Variants in VPS26C observed in about 807,000 individuals in gnomAD.
The protein encoded by VPS26C is vacuolar protein sorting-associated protein 26C.
Under a neutral mutation model 30.6 loss-of-function variants are expected in VPS26C, and 19 were observed. The ratio of observed to expected loss-of-function variants is 0.62; its 90% CI spans 0.43 to 0.91. The LOEUF (loss-of-function observed/expected upper bound fraction) is 0.91, where lower values mean the gene tolerates loss of function less well. VPS26C is among the 40% of genes least tolerant of loss of function. VPS26C has a pLI of 0.00. For missense variants in VPS26C, 318 were observed against 385.1 expected (o/e 0.83, Z 1.46); for synonymous variants, 132 against 151.5 (o/e 0.87, Z 0.95).
chr21:37,265,107 T>C (rs1424888769), intron 1 of VPS26C, among the ~76,000 whole-genome samples: 1 of 152,142 alleles, frequency 6.6e-6, no homozygotes, highest in Non-Finnish European at 1.5e-5. Flanking sequence ...CAAAGTCAAT[T>C]TGTGACTGCC....
intron 1 of VPS26C, among the ~76,000 whole-genome samples, chr21:37,259,575 G>A (rs1039390234): frequency 1.3e-5 from 2 of 152,110 alleles, no homozygotes; most frequent in South Asian, 4.1e-4. Flanking sequence ...TAACCAATAA[G>A]CTCCCCTACA....
chr21:37,239,120 C>G (rs937244943), intron 2 of VPS26C, among the ~76,000 whole-genome samples: 12 of 152,224 alleles, frequency 7.9e-5, no homozygotes, highest in African/African-American at 2.9e-4. Context: ...CTGCACAGAC[C>G]TCCTCAGCTG....
chr21:37,240,694 T>C, intron 1 of VPS26C, 55 bp from the exon 2 acceptor site: 4 of 1,583,284 alleles, frequency 2.5e-6, no homozygotes, highest in Non-Finnish European at 3.4e-6. Flanking sequence ...CCATTCTACC[T>C]TGTTTATTAG....
chr21:37,235,538 C>T (rs1304283200), intron 3 of VPS26C, among the ~76,000 whole-genome samples: 1 of 152,170 alleles, frequency 6.6e-6, no homozygotes, highest in East Asian at 1.9e-4. Flanking sequence ...TTTCAGCAGA[C>T]ATGTTTTATG....
rs552779844 is a variant in VPS26C at position 37,226,312 on chromosome 21, CTG to C, written c.812-688_812-687del. ...AGGGCACCCTGTGCTGAGCCCCACA[CTG>C]TGGCAGCTCAGCTGTGGAAGGGGCC... On this transcript the variant is annotated intron_variant, in intron 7 of 7. Coordinates refer to ENST00000309117, the MANE Select transcript of VPS26C (RefSeq NM_006052.2). This position sits in a 1 kb window ranked among gnomAD's most constrained non-coding sequence, Gnocchi z 4.1. 237 of 152,568 alleles carry C rather than the reference CTG, an allele frequency of 1.6e-3. 1 individual carries two copies. Among genetic ancestry groups the C allele is most frequent in the African/African-American group, 9.9e-4 (41 of 41,568 alleles). The allele number at this position is 152,568 out of a possible 1,614,324, so 9.5% of individuals were successfully genotyped here. A position where few individuals can be genotyped will look rare whatever the true frequency, so the allele number is the denominator to read the frequency against.
At chr21:37,253,195 T>C (rs957420007) in intron 1 of VPS26C, among the ~76,000 whole-genome samples, 12 of 152,242 alleles carry the variant, frequency 7.9e-5, no homozygotes, top group Non-Finnish European at 1.8e-4. Context: ...TTTACATGGC[T>C]TACATACATG....
Position 37,233,483 on chromosome 21 carries a change from G to T in VPS26C, c.352-41C>A. 1 of 1,440,544 alleles carries T rather than the reference G, an allele frequency of 6.9e-7. No individual in the cohort carries two copies. The highest frequency in any genetic ancestry group is 9.8e-7 in the Non-Finnish European group (1 of 1,022,788). The allele number at this position is 1,440,544 out of a possible 1,614,324, so 89.2% of individuals were successfully genotyped here. The stretch of plus-strand genomic sequence containing the variant: ...GGAGGAAAAAAGTTCATTTTAGTGG[G>T]ATTTGCTTTCATCTTGGAATTATAT... On this transcript the variant is annotated intron_variant, in intron 3 of 7. Transcript: ENST00000309117. The surrounding 1 kb of genome is among the most constrained non-coding windows in gnomAD (Gnocchi z 5.2).
At chr21:37,248,774 CAG>C (rs1342607790) in intron 1 of VPS26C, among the ~76,000 whole-genome samples, 2 of 148,986 alleles carry the variant, frequency 1.3e-5, no homozygotes, top group Non-Finnish European at 3.0e-5. Flanking sequence ...TCTACACACT[CAG>C]AGAGAGAGAC....
rs1039122837 is a variant in VPS26C at position 37,267,241 on chromosome 21, G to T, written c.54C>A (p.Ala18=). 3 of 248,588 alleles carry T rather than the reference G, an allele frequency of 1.2e-5. No homozygotes were observed. The highest frequency in any genetic ancestry group is 1.5e-5 in the Non-Finnish European group (2 of 137,414). 15.4% of individuals were successfully genotyped at this position (248,588 alleles called of 1,614,324 possible). Residue 18 remains alanine, a synonymous_variant, in exon 1 of 8, where the codon GCC becomes GCA. Transcript: ENST00000309117. Reference sequence around the variant, plus strand: ...CCCACCCCCAGCCCCCACTTACCCCGGCGTGATAAACTTTATTCGCTCTTT... The same window carrying T: ...CCCACCCCCAGCCCCCACTTACCCCTGCGTGATAAACTTTATTCGCTCTTT... ...KIKRANKVYH[A]GEVLSGVVVI... is the part of the protein sequence containing the mutation.
At chr21:37,267,210 T>TC in intron 1 of VPS26C, 28 bp downstream of exon 1, 5 of 352,476 alleles carry the variant, frequency 1.4e-5, no homozygotes, top group South Asian at 5.0e-5. Flanking sequence ...CAACCCCACC[T>TC]CCATCCCCAC....
At chr21:37,235,877 ATATT>A (rs1473695100) in intron 3 of VPS26C, among the ~76,000 whole-genome samples, 22 of 35,952 alleles carry the variant, frequency 6.1e-4, no homozygotes, top group African/African-American at 1.1e-3. Context: ...ATATATATAT[ATATT>A]TTTTTTTTTA....
At chr21:37,267,368 C>T, upstream of VPS26C, 1 of 1,356,610 alleles carries the variant, frequency 7.4e-7, no homozygotes, top group Non-Finnish European at 1.0e-6. Flanking sequence ...CTCCCCGCTT[C>T]GTTCTGGGCC....
rs747509148 is a variant in VPS26C at position 37,228,197 on chromosome 21, G to A, written c.658+26C>T. On this transcript the variant is annotated intron_variant, in intron 6 of 7. Coordinates refer to ENST00000309117, the MANE Select transcript of VPS26C (RefSeq NM_006052.2). Reference sequence around the variant, plus strand: ...TGGCAGTCGAGGGGGACAGGCAAGCGCCAGGCCTGGTGGCACGGCCCTCAC... The same window carrying A: ...TGGCAGTCGAGGGGGACAGGCAAGCACCAGGCCTGGTGGCACGGCCCTCAC... 16 of 1,604,550 alleles carry A rather than the reference G, an allele frequency of 1.0e-5. No individual in the cohort carries two copies. Among genetic ancestry groups the A allele is most frequent in the South Asian group, 5.5e-5 (5 of 90,822 alleles).
At chr21:37,234,988 GC>G (rs11357896) in intron 3 of VPS26C, among the ~76,000 whole-genome samples, 151,256 of 151,268 alleles carry the variant, frequency 1, 75,622 homozygotes, top group Middle Eastern at 1. Flanking sequence ...AATTACAGGG[GC>G]CGCGCCACCA....
chr21:37,259,681 C>T (rs1047277453), intron 1 of VPS26C, among the ~76,000 whole-genome samples: 6 of 152,244 alleles, frequency 3.9e-5, no homozygotes, highest in African/African-American at 1.2e-4. Context: ...TGCAGCAACA[C>T]CAAAATCACA....
intron 1 of VPS26C, among the ~76,000 whole-genome samples, chr21:37,262,577 T>C (rs1569243209): frequency 6.6e-6 from 1 of 152,212 alleles, no homozygotes; most frequent in Non-Finnish European, 1.5e-5. Context: ...AGAATGGGAC[T>C]GATGAAAATG....
At chr21:37,264,471 A>T (rs1286836952) in intron 1 of VPS26C, among the ~76,000 whole-genome samples, 2 of 152,310 alleles carry the variant, frequency 1.3e-5, no homozygotes, top group East Asian at 3.9e-4. Context: ...TGTACTTTTC[A>T]TTACTTGTAT....
chr21:37,248,896 T>C (rs2096495), intron 1 of VPS26C, among the ~76,000 whole-genome samples: 48,907 of 151,860 alleles, frequency 0.32, 8,250 homozygotes, highest in East Asian at 0.49. Context: ...AACAACACTA[T>C]ACATAACCAA....
intron 2 of VPS26C, among the ~76,000 whole-genome samples, chr21:37,239,745 C>T (rs113673725): frequency 0.021 from 3,239 of 151,768 alleles, 89 homozygotes; most frequent in African/African-American, 0.063. Flanking sequence ...CTGGGGCACA[C>T]GCCATCACAC....
Sources: gnomAD v4.1 joint callset for allele counts (sites outside exome capture counted in the v4.1 genomes callset) on GRCh38, gnomAD v4.1.1 for gene constraint, Gnocchi (gnomAD v3.1) non-coding constraint, MANE v1.5 for transcripts, NCBI Gene and HGNC (gene_info 2026-07-23, HGNC 2026-07-21) for gene names.